The following TNIP3 variants were observed in gnomAD, a reference collection of about 807,000 sequenced individuals.
TNIP3 encodes TNFAIP3 interacting protein 3.
Under a neutral mutation model 54.1 loss-of-function variants are expected in TNIP3, and 34 were observed. The observed-to-expected ratio is 0.63, with a 90% CI of 0.48 to 0.84. The LOEUF is 0.84. Ranked by LOEUF, TNIP3 falls within the 40% of genes least tolerant of loss-of-function variation. TNIP3 has a pLI of 0.00. For synonymous variants in TNIP3, 134 were observed against 136.8 expected, an observed-to-expected ratio of 0.98 and a Z score of 0.14; for missense variants, 366 against 387.6, an observed-to-expected ratio of 0.94 and a Z score of 0.47.
intron 1 of TNIP3, chr4:121,227,339 A>G (rs984818104): frequency 1.3e-6 from 2 of 1,524,048 alleles, no homozygotes; most frequent in African/African-American, 1.4e-5. Flanking sequence ...CAACCCTGGT[A>G]AGTAAGCGAA....
At chr4:121,140,746 A>G (rs1729068305) in intron 9 of TNIP3, among the ~76,000 whole-genome samples, 1 of 152,222 alleles carries the variant, frequency 6.6e-6, no homozygotes, top group South Asian at 2.1e-4. Context: ...AAAGACTGAA[A>G]AGTAAGCAAA....
At chr4:121,163,274 G>A (rs76655812) in intron 1 of TNIP3, among the ~76,000 whole-genome samples, 3,995 of 152,146 alleles carry the variant, frequency 0.026, 88 homozygotes, top group Admixed American at 0.037. Flanking sequence ...TATGTCTCAG[G>A]TTTCTATAAA....
intron 3 of TNIP3, among the ~76,000 whole-genome samples, chr4:121,180,318 T>C (rs1483404743): frequency 1.3e-5 from 2 of 151,892 alleles, no homozygotes; most frequent in Non-Finnish European, 2.9e-5. Flanking sequence ...GAGAATGGCA[T>C]GAACTCAGGA....
intron 5 of TNIP3, 97 bp downstream of exon 5, chr4:121,154,454 A>T: frequency 4.1e-6 from 6 of 1,450,982 alleles, no homozygotes; most frequent in Non-Finnish European, 4.8e-6. Flanking sequence ...CAAGGCTGGG[A>T]CCCACACTGC....
At chr4:121,216,691 T>G, upstream of TNIP3, 1 of 1,346,488 alleles carries the variant, frequency 7.4e-7, no homozygotes, top group African/African-American at 1.5e-5. Context: ...TCTGCCTAGT[T>G]TCAATGAAAG....
chr4:121,196,151 G>A (rs1409007627), intron 2 of TNIP3, among the ~76,000 whole-genome samples: 2 of 152,150 alleles, frequency 1.3e-5, no homozygotes, highest in African/African-American at 2.4e-5. Context: ...TGCTCACGGT[G>A]AGCTCTTAAC....
At chr4:121,153,552 A>G (rs1729892832) in intron 5 of TNIP3, among the ~76,000 whole-genome samples, 1 of 152,220 alleles carries the variant, frequency 6.6e-6, no homozygotes, top group South Asian at 2.1e-4. Context: ...TTTCTGTCTT[A>G]GAGGATAAAG....
intron 2 of TNIP3, among the ~76,000 whole-genome samples, chr4:121,193,172 T>C (rs936634571): frequency 1.3e-5 from 2 of 152,160 alleles, no homozygotes; most frequent in African/African-American, 4.8e-5. Context: ...ACAAAAAGAT[T>C]GGGACACGCT....
chr4:121,167,202 A>G (rs1730812951), upstream of TNIP3, among the ~76,000 whole-genome samples: 1 of 152,150 alleles, frequency 6.6e-6, no homozygotes. Flanking sequence ...ACAAAAGCAA[A>G]AATTCCCTGC....
chr4:121,200,266 C>T (rs1218063109), intron 2 of TNIP3, among the ~76,000 whole-genome samples: 2 of 151,944 alleles, frequency 1.3e-5, no homozygotes, highest in East Asian at 3.9e-4. Context: ...AGAAGAGTTT[C>T]GACAGAGATG....
intron 2 of TNIP3, among the ~76,000 whole-genome samples, chr4:121,197,901 C>T (rs976231723): frequency 7.2e-5 from 11 of 152,070 alleles, no homozygotes; most frequent in African/African-American, 2.2e-4. Flanking sequence ...AAGTGTTTTG[C>T]GCTATGGAAA....
intron 2 of TNIP3, among the ~76,000 whole-genome samples, chr4:121,186,900 C>A (rs981321402): frequency 3.3e-5 from 5 of 152,074 alleles, no homozygotes; most frequent in Admixed American, 2.0e-4. Flanking sequence ...TCTTAGGAAA[C>A]CTTTTAGATT....
intron 9 of TNIP3, among the ~76,000 whole-genome samples, chr4:121,140,362 G>T (rs1470378513): frequency 6.6e-6 from 1 of 152,038 alleles, no homozygotes. Flanking sequence ...AAAAAAGAAA[G>T]AAAATGTAGG....
At position 121,141,800 on chromosome 4, in the gene TNIP3, AT is replaced by A; in HGVS notation, c.885+15del. The A allele has an allele frequency of 1.3e-6, 2 of 1,490,804 alleles. No individual in the cohort carries two copies. The highest frequency in any genetic ancestry group is 2.9e-5 in the African/African-American group (2 of 70,146). The allele number at this position is 1,490,804 out of a possible 1,614,324, so 92.3% of individuals were successfully genotyped here. A position where few individuals can be genotyped will look rare whatever the true frequency, so the allele number is the denominator to read the frequency against. ...AACAGTATACTAAGCACTTTTTCAA[AT>A]GCACTCTTACTTACTGGGTGCTCCC... On this transcript the variant is annotated intron_variant, in intron 9 of 10. Transcript: ENST00000057513.
upstream of TNIP3, among the ~76,000 whole-genome samples, chr4:121,168,977 T>C (rs917508632): frequency 2.6e-5 from 4 of 152,196 alleles, no homozygotes; most frequent in East Asian, 7.7e-4. Context: ...CAACTCACCA[T>C]CATCTCTTAG....
At position 121,147,163 on chromosome 4, in the gene TNIP3, G is replaced by A. The variant is rs188462494; in HGVS notation, c.621C>T (p.Tyr207=). Residue 207 remains tyrosine, a synonymous_variant, in exon 7 of 11, where the codon TAC becomes TAT. Coordinates refer to ENST00000057513, the MANE Select transcript of TNIP3 (RefSeq NM_024873.6). ...MEVLKQQVQI[Y]EEDFKKERSD... is the part of the protein sequence containing the mutation. ...ATCGTTCCTTTTTGAAGTCTTCTTC[G>A]TATATTTGCACCTAAGAAATATTAG... 8.1e-5 allele frequency: 131 copies of A among 1,609,122 alleles called. No homozygotes were observed. In the South Asian group the frequency reaches 1.1e-3, roughly 14 times the overall value.
At chr4:121,169,285 C>G (rs1730940522), upstream of TNIP3, among the ~76,000 whole-genome samples, 1 of 151,682 alleles carries the variant, frequency 6.6e-6, no homozygotes, top group Non-Finnish European at 1.5e-5. Flanking sequence ...CTTGTTCTCT[C>G]TTGCCTCGAA....
In TNIP3 at chr4:121,141,896, T is replaced by C. The variant is rs774522330; in HGVS notation, c.805A>G (p.Asn269Asp). 6.3e-7 allele frequency: 1 copy of C among 1,599,030 alleles called. No individual in the cohort carries two copies. Among genetic ancestry groups the C allele is most frequent in the Non-Finnish European group, 8.5e-7 (1 of 1,172,960 alleles). ...TGCAGGTGGAAAACCAAGCCGCAGT[T>C]ACAGGGTGGGCAATACATCTGAGGA... ...QLKQMYCPPC[N>D]CGLVFHLQDP... Residue 269 changes from asparagine to aspartate, a missense_variant, in exon 9 of 11, where the codon AAC (asparagine) becomes GAC (aspartate). Asn to Asp is a conservative substitution (Grantham distance 23, BLOSUM62 1). Coordinates refer to ENST00000057513, the MANE Select transcript of TNIP3 (RefSeq NM_024873.6).
intron 2 of TNIP3, among the ~76,000 whole-genome samples, chr4:121,195,840 G>A (rs1169856018): frequency 6.6e-6 from 1 of 152,204 alleles, no homozygotes; most frequent in Non-Finnish European, 1.5e-5. Flanking sequence ...GTAAGAACAA[G>A]GACCAGCAGG....
Sources: allele counts gnomAD v4.1 joint callset (sites outside exome capture counted in the v4.1 genomes callset), GRCh38; gene constraint gnomAD v4.1.1; transcripts MANE v1.5; gene names NCBI Gene and HGNC (gene_info 2026-07-23, HGNC 2026-07-21).